LRP1: variants seen among roughly 807,000 people sequenced by gnomAD.
LRP1 encodes the protein LDL receptor related protein 1.
A neutral mutation model predicts 541.5 loss-of-function variants in LRP1; 51 were observed. The observed-to-expected ratio is 0.09, with a 90% CI of 0.08 to 0.12. LRP1 has a LOEUF of 0.12. LRP1 is among the 10% of genes least tolerant of loss of function. LRP1 has a pLI of 1.00. For synonymous variants in LRP1, 2,219 were observed against 2,470.8 expected (o/e 0.90, Z 3.02); for missense variants, 3,878 against 6,376.2 (o/e 0.61, Z 13.34).
rs2036073864 is a variant in LRP1 at position 57,177,612 on chromosome 12, G to A, written c.4361+21G>A. 7 of 1,612,610 alleles carry A rather than the reference G, an allele frequency of 4.3e-6. No homozygotes were observed. The South Asian group carries it at 7.7e-5, about 18-fold the overall frequency. On this transcript the variant is annotated intron_variant, in intron 26 of 88. Transcript: ENST00000243077. The surrounding 1 kb of genome is among the most constrained non-coding windows in gnomAD (Gnocchi z 6.8). ...GCCAGGTCAGCACCCTCTGTGCCCTGAGAAGGCCCAAGTCTGTGGCACCAG... is the reference window on the plus strand; with the variant it reads ...GCCAGGTCAGCACCCTCTGTGCCCTAAGAAGGCCCAAGTCTGTGGCACCAG...
In LRP1 at chr12:57,212,076, C is replaced by G. The variant is rs1403214874; in HGVS notation, c.13350-41C>G. On this transcript the variant is annotated intron_variant, in intron 87 of 88. Transcript: ENST00000243077. The surrounding 1 kb of genome is among the most constrained non-coding windows in gnomAD (Gnocchi z 5.0). ...TTATTTTGCCATCCTAGCCTTCCCC[C>G]CCAATAATCTCTGTCTCCTTATACT... 3 of 1,613,170 alleles carry G rather than the reference C, an allele frequency of 1.9e-6. No homozygotes were observed. The highest frequency in any genetic ancestry group is 1.3e-5 in the African/African-American group (1 of 75,014).
chr12:57,201,685 G>A lies in LRP1; in HGVS notation c.10468+66G>A, dbSNP rs1384452249. The A allele has an allele frequency of 6.3e-7, 1 of 1,595,264 alleles. No individual in the cohort carries two copies. Among genetic ancestry groups the A allele is most frequent in the Non-Finnish European group, 8.6e-7 (1 of 1,167,204 alleles). Reference sequence around the variant, plus strand: ...TCTGCTGCTCACACCACCCCGACGTGTGACCCCCTCAGTGGCTGCTCCCTC... The same window carrying A: ...TCTGCTGCTCACACCACCCCGACGTATGACCCCCTCAGTGGCTGCTCCCTC... On this transcript the variant is annotated intron_variant, in intron 66 of 88. Coordinates refer to ENST00000243077, the MANE Select transcript of LRP1 (RefSeq NM_002332.3). The surrounding 1 kb of genome is among the most constrained non-coding windows in gnomAD (Gnocchi z 6.4).
At chr12:57,153,911 TA>T (rs79297731) in intron 6 of LRP1, among the ~76,000 whole-genome samples, 507 of 139,756 alleles carry the variant, frequency 3.6e-3, no homozygotes, top group Middle Eastern at 7.4e-3. Context: ...AAAGCAAAGT[TA>T]AAAAAAAAAA....
rs2035220723 is a variant in LRP1, at chr12:57,138,551, C to T, written c.160C>T (p.Pro54Ser). 1.9e-6 allele frequency: 3 copies of T among 1,613,924 alleles called. No individual in the cohort carries two copies. Among genetic ancestry groups the T allele is most frequent in the Admixed American group, 1.7e-5 (1 of 59,990 alleles). The change falls in exon 2 of 89, where the codon CCA becomes TCA. Residue 54 changes from proline (P) to serine (S), a missense_variant. Physicochemically the swap from Pro to Ser is moderately conservative, Grantham distance 74. Transcript: ENST00000243077. ...GWRCDGERDCPDGSDEAPEIC... is the reference protein window; with the variant it reads ...GWRCDGERDCSDGSDEAPEIC... ...GCGGTGCGACGGTGAGAGGGACTGC[C>T]CAGACGGATCTGACGAGGCCCCTGA...
rs2035977382 is a variant in LRP1, at chr12:57,173,125, G to C, written c.3164-43G>C. The C allele has an allele frequency of 2.6e-6, 4 of 1,532,510 alleles. No homozygotes were observed. Among genetic ancestry groups the C allele is most frequent in the Non-Finnish European group, 3.5e-6 (4 of 1,130,246 alleles). 94.9% of individuals were successfully genotyped at this position (1,532,510 alleles called of 1,614,324 possible). Reference sequence around the variant, plus strand: ...GCACAGGGATGAGGAGGGCTGACCTGGGCAACCCCTCCCTCCTGAGGCCCT... The same window carrying C: ...GCACAGGGATGAGGAGGGCTGACCTCGGCAACCCCTCCCTCCTGAGGCCCT... On this transcript the variant is annotated intron_variant, in intron 20 of 88. Coordinates refer to ENST00000243077, the MANE Select transcript of LRP1 (RefSeq NM_002332.3). This position sits in a 1 kb window ranked among gnomAD's most constrained non-coding sequence, Gnocchi z 4.7.
In LRP1 at chr12:57,149,617, C is replaced by T. The variant is rs911581400; in HGVS notation, c.841+4127C>T. The T allele has an allele frequency of 1.4e-5, 10 of 705,608 alleles. No individual in the cohort carries two copies. The South Asian group carries it at 1.5e-4, about 10-fold the overall frequency. 43.7% of individuals were successfully genotyped at this position (705,608 alleles called of 1,614,324 possible). ...ATCCCTGGGATCTAGGTCGAAATGCCTCTTGGGGACCTAAGCCAGGCAGGG... is the reference window on the plus strand; with the variant it reads ...ATCCCTGGGATCTAGGTCGAAATGCTTCTTGGGGACCTAAGCCAGGCAGGG... On this transcript the variant is annotated intron_variant, in intron 6 of 88. Coordinates refer to ENST00000243077, the MANE Select transcript of LRP1 (RefSeq NM_002332.3).
chr12:57,186,045 C>T (rs2036263974), intron 41 of LRP1, 137 bp downstream of exon 41: 1 of 1,007,376 alleles, frequency 9.9e-7, no homozygotes, highest in Non-Finnish European at 1.4e-6. Flanking sequence ...AACTGCACCC[C>T]CGCAGTTACA....
chr12:57,188,428 A>T (rs894426515), intron 42 of LRP1, among the ~76,000 whole-genome samples: 3 of 152,010 alleles, frequency 2.0e-5, no homozygotes, highest in Admixed American at 6.6e-5. Flanking sequence ...CCAGTCCCCC[A>T]ATGTCAGTCA....
chr12:57,147,119 G>A (rs945164769), intron 6 of LRP1, among the ~76,000 whole-genome samples: 1 of 151,842 alleles, frequency 6.6e-6, no homozygotes, highest in South Asian at 2.1e-4. Context: ...AACTCACTGG[G>A]CCTCTCAGGG....
intron 22 of LRP1, 68 bp downstream of exon 22, chr12:57,174,048 T>C: frequency 2.0e-6 from 3 of 1,497,548 alleles, no homozygotes; most frequent in Non-Finnish European, 1.8e-6. Context: ...AGGACAGTCT[T>C]TGGGGGACCT....
chr12:57,143,024 C>CT (rs1337086057), intron 3 of LRP1, among the ~76,000 whole-genome samples: 1 of 152,128 alleles, frequency 6.6e-6, no homozygotes, highest in Non-Finnish European at 1.5e-5. Flanking sequence ...GGTCGCTGGT[C>CT]TGGGGGGGCA....
In LRP1 at chr12:57,204,933, T is replaced by TG; in HGVS notation, c.11195-171dup. 7.6e-7 allele frequency: 1 copy of TG among 1,319,384 alleles called. No homozygotes were observed. Among genetic ancestry groups the TG allele is most frequent in the Non-Finnish European group, 1.0e-6 (1 of 968,612 alleles). The allele number at this position is 1,319,384 out of a possible 1,614,324, so 81.7% of individuals were successfully genotyped here. On this transcript the variant is annotated intron_variant, in intron 72 of 88. Coordinates refer to ENST00000243077, the MANE Select transcript of LRP1 (RefSeq NM_002332.3). This position sits in a 1 kb window ranked among gnomAD's most constrained non-coding sequence, Gnocchi z 5.3. ...AAAGAGAAGCCCCTGGGGAAGGCTC[T>TG]GGGGGCTGCCTGATGCCTTAGGTCT...
At position 57,158,780 on chromosome 12, in the gene LRP1, G is replaced by T; in HGVS notation, c.1798+142G>T. 1.3e-6 allele frequency: 1 copy of T among 788,142 alleles called. No homozygotes were observed. Among genetic ancestry groups the T allele is most frequent in the Non-Finnish European group, 2.1e-6 (1 of 482,160 alleles). The allele number at this position is 788,142 out of a possible 1,614,324, so 48.8% of individuals were successfully genotyped here. A position where few individuals can be genotyped will look rare whatever the true frequency, so the allele number is the denominator to read the frequency against. On this transcript the variant is annotated intron_variant, in intron 11 of 88. Transcript: ENST00000243077. The surrounding 1 kb of genome is among the most constrained non-coding windows in gnomAD (Gnocchi z 5.3). ...TGGCATGGAGATGAGGGGATAGACA[G>T]ATTGACCCCTGTGTGACCCCCTTCT...
At position 57,208,232 on chromosome 12, in the gene LRP1, G is replaced by T. The variant is rs747375184; in HGVS notation, c.12038+16G>T. The stretch of plus-strand genomic sequence containing the variant: ...CACTGAGGGGGTGGGCAAGGGCCCT[G>T]GGGGGAGGCCTCTGGGCTGGTGGTA... On this transcript the variant is annotated intron_variant, in intron 77 of 88. Transcript: ENST00000243077. 8 of 1,609,452 alleles carry T rather than the reference G, an allele frequency of 5.0e-6. No individual in the cohort carries two copies. The highest frequency in any genetic ancestry group is 1.7e-5 in the Admixed American group (1 of 59,638).
chr12:57,195,794 G>T lies in LRP1; in HGVS notation c.8560+14G>T, dbSNP rs7979768. On this transcript the variant is annotated intron_variant, in intron 53 of 88. Coordinates refer to ENST00000243077, the MANE Select transcript of LRP1 (RefSeq NM_002332.3). ...CCCCCGAGTGTGGTGAGCCTTCGGC[G>T]GTGGTGGGAGGAGGCCCTGCCCTCT... 1 of 1,614,122 alleles carries T rather than the reference G, an allele frequency of 6.2e-7. No individual in the cohort carries two copies. The highest frequency in any genetic ancestry group is 2.2e-5 in the East Asian group (1 of 44,886).
intron 15 of LRP1, 134 bp downstream of exon 15, chr12:57,163,117 A>T: frequency 7.7e-7 from 1 of 1,300,498 alleles, no homozygotes. Context: ...GGCCAACAGG[A>T]AGCAAGGGAG....
chr12:57,140,777 C>T (rs35422465), intron 2 of LRP1, among the ~76,000 whole-genome samples: 4 of 152,136 alleles, frequency 2.6e-5, no homozygotes, highest in Admixed American at 6.5e-5. Flanking sequence ...CTGTCGCCCA[C>T]GCTGGAGTGC....
chr12:57,148,847 A>G, intron 6 of LRP1: 1 of 476,166 alleles, frequency 2.1e-6, no homozygotes, highest in Non-Finnish European at 3.7e-6. Context: ...CATGGGGAAG[A>G]AGGAGGTGGC....
chr12:57,148,379 A>G (rs981586072), intron 6 of LRP1, among the ~76,000 whole-genome samples: 3 of 152,124 alleles, frequency 2.0e-5, no homozygotes, highest in Non-Finnish European at 4.4e-5. Context: ...AAAGTTCTGA[A>G]AATTGAGGCC....
Sources: allele counts gnomAD v4.1 joint callset (sites outside exome capture counted in the v4.1 genomes callset), GRCh38; gene constraint gnomAD v4.1.1; non-coding constraint Gnocchi (gnomAD v3.1); transcripts MANE v1.5; gene names NCBI Gene and HGNC (gene_info 2026-07-23, HGNC 2026-07-21).